CSMD3: variants seen among roughly 807,000 people sequenced by gnomAD.
CSMD3 encodes CUB and sushi domain-containing protein 3.
Under a neutral mutation model 435.2 loss-of-function variants are expected in CSMD3, and 177 were observed. That is an observed-to-expected ratio of 0.41 (90% confidence interval 0.36 to 0.46). The LOEUF is 0.46. Among genes scored for constraint, CSMD3 ranks in the 20% least tolerant of loss-of-function variants. The pLI, the probability that CSMD3 is intolerant of heterozygous loss-of-function variation, is 0.34. For missense variants in CSMD3, 4,265 were observed against 4,504.6 expected (o/e 0.95, Z 1.52); for synonymous variants, 1,656 against 1,520.5 (o/e 1.09, Z -2.07).
intron 9 of CSMD3, among the ~76,000 whole-genome samples, chr8:112,925,473 G>A (rs2082880798): frequency 6.6e-6 from 1 of 151,868 alleles, no homozygotes; most frequent in African/African-American, 2.4e-5. Flanking sequence ...TGAGGCAGGA[G>A]AATGGAGTGA....
intron 27 of CSMD3, among the ~76,000 whole-genome samples, chr8:112,520,053 TA>T: frequency 6.6e-6 from 1 of 152,210 alleles, no homozygotes; most frequent in Non-Finnish European, 1.5e-5. Flanking sequence ...ATCTTAAATG[TA>T]TTAATTTCTT....
chr8:113,315,501 T>C (rs1460078502), intron 1 of CSMD3, among the ~76,000 whole-genome samples: 1 of 151,704 alleles, frequency 6.6e-6, no homozygotes, highest in Admixed American at 6.6e-5. Context: ...ATGGAAAGTC[T>C]AAGTTACTGA....
rs1825134161 is a variant in CSMD3 at position 112,341,713 on chromosome 8, A to G, written c.6443-27T>C. On this transcript the variant is annotated intron_variant, in intron 41 of 70. Coordinates refer to ENST00000297405, the MANE Select transcript of CSMD3 (RefSeq NM_198123.2). ...TGAAGAAGAAAACAAACAGAATGCT[A>G]CTTTATTTGCTTTACCGAATTAAAC... The G allele has an allele frequency of 2.9e-6, 4 of 1,384,980 alleles. No individual in the cohort carries two copies. The East Asian group carries it at 9.3e-5, about 32-fold the overall frequency. 85.8% of individuals were successfully genotyped at this position (1,384,980 alleles called of 1,614,324 possible).
At chr8:112,582,789 G>A (rs974117274) in intron 23 of CSMD3, among the ~76,000 whole-genome samples, 1 of 151,970 alleles carries the variant, frequency 6.6e-6, no homozygotes, top group Non-Finnish European at 1.5e-5. Context: ...AACTGGTCAT[G>A]AGGGCAGAGT....
intron 4 of CSMD3, among the ~76,000 whole-genome samples, chr8:113,126,245 C>A (rs774726335): frequency 2.6e-5 from 4 of 151,774 alleles, no homozygotes; most frequent in Non-Finnish European, 5.9e-5. Flanking sequence ...CAGTCCAGCT[C>A]TATAATCTCA....
At chr8:112,470,911 T>A (rs1455198548) in intron 32 of CSMD3, among the ~76,000 whole-genome samples, 1 of 151,886 alleles carries the variant, frequency 6.6e-6, no homozygotes, top group Non-Finnish European at 1.5e-5. Context: ...ACAAGAAGAT[T>A]CATTTAAAAA....
intron 10 of CSMD3, among the ~76,000 whole-genome samples, chr8:112,909,585 T>C (rs1387192794): frequency 6.6e-6 from 1 of 151,778 alleles, no homozygotes; most frequent in Admixed American, 6.6e-5. Flanking sequence ...TAAAGGCATA[T>C]TTGGTTATTT....
At chr8:113,359,362 A>G (rs1343465777) in intron 1 of CSMD3, among the ~76,000 whole-genome samples, 1 of 152,220 alleles carries the variant, frequency 6.6e-6, no homozygotes, top group African/African-American at 2.4e-5. Context: ...ATCATAGGCA[A>G]GTAGGTGGGT....
chr8:113,276,436 A>C (rs1287921860), intron 3 of CSMD3, among the ~76,000 whole-genome samples: 1 of 152,032 alleles, frequency 6.6e-6, no homozygotes, highest in Non-Finnish European at 1.5e-5. Flanking sequence ...GCTGGCTCTA[A>C]GGTATGAGGC....
At chr8:112,428,268 C>T (rs1218664445) in intron 32 of CSMD3, among the ~76,000 whole-genome samples, 1 of 151,926 alleles carries the variant, frequency 6.6e-6, no homozygotes, top group Non-Finnish European at 1.5e-5. Flanking sequence ...GGGATTTGGA[C>T]CAAGCTAAAA....
At chr8:113,247,826 G>C (rs2132279149) in intron 3 of CSMD3, among the ~76,000 whole-genome samples, 1 of 152,122 alleles carries the variant, frequency 6.6e-6, no homozygotes, top group Non-Finnish European at 1.5e-5. Context: ...CAATATTTAA[G>C]GGGGAGTGTT....
chr8:112,724,300 C>T (rs936362027), intron 13 of CSMD3, among the ~76,000 whole-genome samples: 1 of 151,858 alleles, frequency 6.6e-6, no homozygotes, highest in Non-Finnish European at 1.5e-5. Context: ...ATGGTGGAAA[C>T]GAGAAATCAG....
At chr8:113,289,011 T>G (rs1222253799) in intron 2 of CSMD3, among the ~76,000 whole-genome samples, 1 of 151,788 alleles carries the variant, frequency 6.6e-6, no homozygotes, top group Non-Finnish European at 1.5e-5. Context: ...ACTCATTCAG[T>G]GATAACTCTG....
intron 63 of CSMD3, among the ~76,000 whole-genome samples, chr8:112,250,344 T>G (rs1022847272): frequency 6.6e-6 from 1 of 151,818 alleles, no homozygotes; most frequent in East Asian, 1.9e-4. Flanking sequence ...ACACATCTAA[T>G]AAGATTTTTG....
chr8:112,253,136 T>A (rs572064192), intron 63 of CSMD3, among the ~76,000 whole-genome samples: 12 of 152,068 alleles, frequency 7.9e-5, no homozygotes, highest in African/African-American at 2.9e-4. Context: ...TCTGTTAGAA[T>A]ATGTCACCAA....
intron 1 of CSMD3, 25 bp downstream of exon 1, chr8:113,436,652 G>A (rs747103044): frequency 6.2e-7 from 1 of 1,612,948 alleles, no homozygotes; most frequent in Non-Finnish European, 8.5e-7. Context: ...ATCCAAAGCG[G>A]AGGGGACCCC....
chr8:112,576,510 C>T (rs1425249944), intron 23 of CSMD3, among the ~76,000 whole-genome samples: 2 of 151,692 alleles, frequency 1.3e-5, no homozygotes, highest in African/African-American at 2.4e-5. Context: ...ACACAGCATA[C>T]ATTTTTTTTC....
chr8:112,799,138 C>G (rs1486119336), intron 13 of CSMD3, among the ~76,000 whole-genome samples: 1 of 151,812 alleles, frequency 6.6e-6, no homozygotes, highest in Non-Finnish European at 1.5e-5. Flanking sequence ...ATCAAGCTAA[C>G]CTTTTTAATA....
At chr8:112,939,280 G>T (rs147692827) in intron 9 of CSMD3, among the ~76,000 whole-genome samples, 1 of 152,124 alleles carries the variant, frequency 6.6e-6, no homozygotes, top group Admixed American at 6.6e-5. Context: ...ATGGATGTTG[G>T]AAAACAATGA....
Sources: gnomAD v4.1 joint callset for allele counts (sites outside exome capture counted in the v4.1 genomes callset) on GRCh38, gnomAD v4.1.1 for gene constraint, MANE v1.5 for transcripts, NCBI Gene and HGNC (gene_info 2026-07-23, HGNC 2026-07-21) for gene names.